CCSER1: variants seen among roughly 807,000 people sequenced by gnomAD.
CCSER1 encodes coiled-coil serine rich protein 1.
A neutral mutation model predicts 82.0 loss-of-function variants in CCSER1; 41 were observed. That is an observed-to-expected ratio of 0.50 (90% confidence interval 0.39 to 0.65). The LOEUF (loss-of-function observed/expected upper bound fraction) is 0.65. CCSER1 is among the 30% of genes least tolerant of loss of function. The pLI is 0.00. For missense variants in CCSER1, 1,119 were observed against 1,064.2 expected, an observed-to-expected ratio of 1.05 and a Z score of -0.72; for synonymous variants, 414 against 383.9, an observed-to-expected ratio of 1.08 and a Z score of -0.92.
chr4:90,475,153 G>C (rs1279096818), intron 5 of CCSER1, among the ~76,000 whole-genome samples: 1 of 152,044 alleles, frequency 6.6e-6, no homozygotes, highest in African/African-American at 2.4e-5. Context: ...ATTCCACTTA[G>C]GTTCTTATGT....
At chr4:91,139,928 G>T (rs532796772) in intron 10 of CCSER1, among the ~76,000 whole-genome samples, 175 of 152,128 alleles carry the variant, frequency 1.2e-3, no homozygotes, top group African/African-American at 4.1e-3. Context: ...GAAAGTACTT[G>T]TTCATGAGAA....
intron 10 of CCSER1, among the ~76,000 whole-genome samples, chr4:91,265,876 A>G (rs910894413): frequency 6.6e-6 from 1 of 152,198 alleles, no homozygotes; most frequent in African/African-American, 2.4e-5. Flanking sequence ...AAGACTGGGA[A>G]GAAAAGTAGG....
chr4:91,430,329 C>T (rs1206889119), intron 10 of CCSER1, among the ~76,000 whole-genome samples: 1 of 152,076 alleles, frequency 6.6e-6, no homozygotes, highest in Non-Finnish European at 1.5e-5. Context: ...GTTTTTATTG[C>T]ATAGGGTATG....
At chr4:91,439,964 G>C (rs1754994174) in intron 10 of CCSER1, among the ~76,000 whole-genome samples, 1 of 152,034 alleles carries the variant, frequency 6.6e-6, no homozygotes. Context: ...GATTCATAAA[G>C]CAAGTCCTGA....
At chr4:91,277,321 G>C (rs2149195439) in intron 10 of CCSER1, among the ~76,000 whole-genome samples, 1 of 151,804 alleles carries the variant, frequency 6.6e-6, no homozygotes, top group South Asian at 2.1e-4. Context: ...CTTTTGGCGG[G>C]GCTTGGCGGA....
At chr4:90,381,724 AG>A (rs1352226540) in intron 3 of CCSER1, among the ~76,000 whole-genome samples, 10 of 152,232 alleles carry the variant, frequency 6.6e-5, no homozygotes, top group Admixed American at 2.0e-4. Flanking sequence ...ATGAGAATGA[AG>A]GGTTGATAAG....
At chr4:90,459,503 A>T (rs1030762243) in intron 4 of CCSER1, among the ~76,000 whole-genome samples, 1 of 152,154 alleles carries the variant, frequency 6.6e-6, no homozygotes, top group Non-Finnish European at 1.5e-5. Context: ...ACAGTTCTGG[A>T]GGCTAGAAGT....
chr4:90,750,841 C>A (rs1426978024), intron 7 of CCSER1, among the ~76,000 whole-genome samples: 1 of 152,024 alleles, frequency 6.6e-6, no homozygotes, highest in Non-Finnish European at 1.5e-5. Context: ...TTTCATTTAA[C>A]TTTTTAATTT....
At chr4:91,355,622 C>T (rs1678253724) in intron 10 of CCSER1, among the ~76,000 whole-genome samples, 1 of 152,104 alleles carries the variant, frequency 6.6e-6, no homozygotes, top group Non-Finnish European at 1.5e-5. Context: ...AGTTGACGTC[C>T]TTACTGAAAA....
chr4:90,131,012 T>C (rs1480847211), intron 1 of CCSER1, among the ~76,000 whole-genome samples: 2 of 151,956 alleles, frequency 1.3e-5, no homozygotes, highest in African/African-American at 2.4e-5. Context: ...TAGTTTGTTT[T>C]TTGAGATGGA....
At chr4:90,350,754 A>T (rs1743281229) in intron 3 of CCSER1, among the ~76,000 whole-genome samples, 1 of 152,102 alleles carries the variant, frequency 6.6e-6, no homozygotes, top group Admixed American at 6.5e-5. Context: ...ATTTTAAAAG[A>T]TCTTGAAGTA....
intron 10 of CCSER1, among the ~76,000 whole-genome samples, chr4:91,167,798 C>T (rs903737443): frequency 6.6e-6 from 1 of 152,216 alleles, no homozygotes; most frequent in Non-Finnish European, 1.5e-5. Flanking sequence ...CCATGTTTAT[C>T]ATTATGTGTT....
At chr4:91,381,809 G>T (rs1354379390) in intron 10 of CCSER1, among the ~76,000 whole-genome samples, 14 of 152,310 alleles carry the variant, frequency 9.2e-5, no homozygotes, top group East Asian at 1.9e-4. Flanking sequence ...TTTGGAGGGT[G>T]ACTGGCACTC....
At chr4:90,931,650 A>G (rs1237389677) in intron 9 of CCSER1, among the ~76,000 whole-genome samples, 1 of 152,092 alleles carries the variant, frequency 6.6e-6, no homozygotes, top group Non-Finnish European at 1.5e-5. Context: ...AGGCAATCAG[A>G]TTTCATTAAG....
intron 9 of CCSER1, among the ~76,000 whole-genome samples, chr4:90,955,762 G>A (rs1036733751): frequency 3.9e-5 from 6 of 151,966 alleles, no homozygotes; most frequent in Admixed American, 3.3e-4. Context: ...GTCCTGTCTT[G>A]GGGTATTTGT....
intron 4 of CCSER1, chr4:90,404,106 A>G (rs909595877): frequency 3.9e-5 from 6 of 152,168 alleles, no homozygotes; most frequent in African/African-American, 1.4e-4. Context: ...AAATAGACTC[A>G]GTGCTGTTGT....
At chr4:91,162,876 A>T (rs1731585008) in intron 10 of CCSER1, among the ~76,000 whole-genome samples, 1 of 152,094 alleles carries the variant, frequency 6.6e-6, no homozygotes. Flanking sequence ...CTTTTCAAAA[A>T]ACCAGCTCCT....
At chr4:91,177,838 T>G (rs548059855) in intron 10 of CCSER1, among the ~76,000 whole-genome samples, 1 of 152,328 alleles carries the variant, frequency 6.6e-6, no homozygotes, top group South Asian at 2.1e-4. Flanking sequence ...TGATGTTATT[T>G]CTTGCCTTCT....
chr4:90,716,829 A>G (rs1741731579), intron 6 of CCSER1, among the ~76,000 whole-genome samples: 2 of 152,168 alleles, frequency 1.3e-5, no homozygotes, highest in Admixed American at 1.3e-4. Flanking sequence ...CTTCATCATT[A>G]AGCAACACAT....
Sources: gnomAD v4.1 joint callset for allele counts (sites outside exome capture counted in the v4.1 genomes callset) on GRCh38, gnomAD v4.1.1 for gene constraint, MANE v1.5 for transcripts, NCBI Gene and HGNC (gene_info 2026-07-23, HGNC 2026-07-21) for gene names.